Variants in SPAG17 observed in about 807,000 individuals in gnomAD.
SPAG17 encodes sperm associated antigen 17, also known as sperm-associated antigen 17.
Under a neutral mutation model 273.6 loss-of-function variants are expected in SPAG17, and 169 were observed. The observed-to-expected ratio is 0.62, with a 90% CI of 0.55 to 0.70. SPAG17 has a LOEUF of 0.70. Ranked by LOEUF, SPAG17 falls within the 30% of genes least tolerant of loss-of-function variation. The probability of loss-of-function intolerance (pLI) is 0.00; values close to 1 mark genes in which losing one functional copy is unlikely to be tolerated. For synonymous variants in SPAG17, 825 were observed against 873.2 expected (o/e 0.94, Z 0.97); for missense variants, 2,557 against 2,627.8 (o/e 0.97, Z 0.59).
intron 21 of SPAG17, among the ~76,000 whole-genome samples, chr1:118,041,076 C>A (rs1649695374): frequency 6.6e-6 from 1 of 152,096 alleles, no homozygotes; most frequent in South Asian, 2.1e-4. Context: ...TTCTCATAAC[C>A]TAGTGAAAAC....
Position 118,079,761 on chromosome 1 carries a change from AC to A in SPAG17, c.2209+1339del, listed in dbSNP as rs534102766. ...TAAAGCTATAAACTTCTTTTGGAGT[AC>A]CTCTTGCATTAGCTGCATTCTATAG... On this transcript the variant is annotated intron_variant, in intron 15 of 48. Coordinates refer to ENST00000336338, the MANE Select transcript of SPAG17 (RefSeq NM_206996.4). Among the ~76,000 whole-genome samples, 13 of 152,200 alleles carry A rather than the reference AC, an allele frequency of 8.5e-5. No individual in the cohort carries two copies. The South Asian group carries it at 2.7e-3, about 32-fold the overall frequency.
intron 28 of SPAG17, among the ~76,000 whole-genome samples, chr1:118,020,674 A>G (rs1571259315): frequency 6.6e-6 from 1 of 152,270 alleles, no homozygotes; most frequent in African/African-American, 2.4e-5. Context: ...AGGAGATTTA[A>G]ACATCCTTTT....
At chr1:118,019,634 A>T (rs1209199236) in intron 28 of SPAG17, among the ~76,000 whole-genome samples, 1 of 152,228 alleles carries the variant, frequency 6.6e-6, no homozygotes, top group Non-Finnish European at 1.5e-5. Context: ...AGCTCAATGT[A>T]TTCCCACTTT....
At chr1:117,962,222 C>T (rs1331947639) in intron 48 of SPAG17, 1 of 152,096 alleles carries the variant, frequency 6.6e-6, no homozygotes, top group African/African-American at 2.4e-5. Flanking sequence ...GTGACATGTA[C>T]AGAACCTAGC....
At chr1:118,103,212 G>A (rs934932016) in intron 4 of SPAG17, among the ~76,000 whole-genome samples, 1 of 152,152 alleles carries the variant, frequency 6.6e-6, no homozygotes, top group African/African-American at 2.4e-5. Context: ...ACCGCTCCAT[G>A]CCAGACAGAA....
chr1:118,155,720 A>G (rs936742743), intron 1 of SPAG17, among the ~76,000 whole-genome samples: 1 of 152,250 alleles, frequency 6.6e-6, no homozygotes, highest in African/African-American at 2.4e-5. Flanking sequence ...ATTAAGAGCT[A>G]CTTAACACTG....
chr1:118,145,219 C>G (rs1330648464), intron 3 of SPAG17, among the ~76,000 whole-genome samples: 1 of 152,126 alleles, frequency 6.6e-6, no homozygotes, highest in Non-Finnish European at 1.5e-5. Context: ...TTCATTCTGA[C>G]AAGGGCCACC....
At chr1:118,118,548 C>G (rs1029272254) in intron 3 of SPAG17, among the ~76,000 whole-genome samples, 33 of 152,178 alleles carry the variant, frequency 2.2e-4, no homozygotes, top group African/African-American at 8.0e-4. Flanking sequence ...CAAAAAAGCA[C>G]GAGTCTTAAC....
At position 117,981,258 on chromosome 1, in the gene SPAG17, AG is replaced by A. The variant is rs1655767156; in HGVS notation, c.6004+11del. The A allele has an allele frequency of 6.5e-7, 1 of 1,550,176 alleles. No homozygotes were observed. ...GTTTCAAGAAGCAATAAGATAAAAA[AG>A]ACTGCCATACCTTCAGGAGATTTTG... On this transcript the variant is annotated intron_variant, in intron 43 of 48. Transcript: ENST00000336338.
intron 7 of SPAG17, among the ~76,000 whole-genome samples, chr1:118,097,132 G>A (rs1655759926): frequency 6.6e-6 from 1 of 151,894 alleles, no homozygotes; most frequent in African/African-American, 2.4e-5. Context: ...CTACATGGGA[G>A]GCTGAGGCAA....
intron 48 of SPAG17, among the ~76,000 whole-genome samples, chr1:117,958,024 G>A (rs1652473224): frequency 6.6e-6 from 1 of 152,202 alleles, no homozygotes; most frequent in African/African-American, 2.4e-5. Flanking sequence ...ACAAAGGCTT[G>A]ATATTCTTCT....
At chr1:117,983,968 C>T (rs971062557) in intron 41 of SPAG17, 55 bp from the exon 42 acceptor site, 5 of 847,648 alleles carry the variant, frequency 5.9e-6, no homozygotes, top group East Asian at 2.5e-5. Context: ...ATTCAACTGT[C>T]GCAAATATGT....
intron 1 of SPAG17, 96 bp downstream of exon 1, chr1:118,184,975 G>C (rs1251718372): frequency 1.3e-5 from 13 of 1,032,294 alleles, no homozygotes; most frequent in Non-Finnish European, 1.6e-5. Context: ...GAGAGATACG[G>C]AAGAGAGGGC....
intron 28 of SPAG17, among the ~76,000 whole-genome samples, chr1:118,016,689 T>C (rs185205401): frequency 6.0e-4 from 92 of 152,352 alleles, no homozygotes; most frequent in Non-Finnish European, 1.0e-3. Flanking sequence ...ACCCTGGATC[T>C]GGGAAACCTC....
intron 3 of SPAG17, among the ~76,000 whole-genome samples, chr1:118,124,458 A>G (rs1317269500): frequency 2.0e-5 from 3 of 152,238 alleles, no homozygotes; most frequent in Admixed American, 6.5e-5. Context: ...AATCTGATGC[A>G]TATATAGACA....
intron 41 of SPAG17, among the ~76,000 whole-genome samples, chr1:117,984,455 G>A (rs547469131): frequency 6.6e-6 from 1 of 152,318 alleles, no homozygotes; most frequent in East Asian, 1.9e-4. Flanking sequence ...GGATGGGGTA[G>A]TGATAGTTAT....
In SPAG17 at chr1:118,008,133, T is replaced by G; in HGVS notation, c.4498A>C (p.Thr1500Pro). 6.2e-7 allele frequency: 1 copy of G among 1,614,040 alleles called. No individual in the cohort carries two copies. The highest frequency in any genetic ancestry group is 1.3e-5 in the African/African-American group (1 of 75,052). The change falls in exon 31 of 49, where the codon ACT becomes CCT. Residue 1500 changes from threonine (T) to proline (P), a missense_variant. Coordinates refer to ENST00000336338, the MANE Select transcript of SPAG17 (RefSeq NM_206996.4). ...CMRVESSRYA[T>P]VIANCEDSSC... Reference sequence around the variant, plus strand: ...CTGTCCTCACAGTTGGCGATAACAGTGGCATAGCGTGAGCTTTCTACCCGC... The same window carrying G: ...CTGTCCTCACAGTTGGCGATAACAGGGGCATAGCGTGAGCTTTCTACCCGC...
At position 118,151,324 on chromosome 1, in the gene SPAG17, C is replaced by T. The variant is rs1659364987; in HGVS notation, c.133G>A (p.Glu45Lys). ...SIAFVVGNQI[E>K]DDLLIQALTV... ...AGGGCTTGGATGAGAAGATCATCTT[C>T]AATCTGGTTCCCAACCACAAAAGCA... The change falls in exon 2 of 49, where the codon GAA (glutamate) becomes AAA (lysine). Residue 45 changes from glutamate to lysine, a missense_variant. By Grantham distance (56) the Glu-to-Lys change is moderately conservative (BLOSUM62 1). Coordinates refer to ENST00000336338, the MANE Select transcript of SPAG17 (RefSeq NM_206996.4). 1 of 1,613,024 alleles carries T rather than the reference C, an allele frequency of 6.2e-7. No homozygotes were observed.
intron 3 of SPAG17, among the ~76,000 whole-genome samples, chr1:118,118,585 G>GA (rs1211126174): frequency 6.6e-6 from 1 of 152,190 alleles, no homozygotes; most frequent in Non-Finnish European, 1.5e-5. Context: ...TTAAAATGGA[G>GA]AAAAATGTTG....
Sources: gnomAD v4.1 joint callset for allele counts (sites outside exome capture counted in the v4.1 genomes callset) on GRCh38, gnomAD v4.1.1 for gene constraint, MANE v1.5 for transcripts, NCBI Gene and HGNC (gene_info 2026-07-23, HGNC 2026-07-21) for gene names.